IRX3: variants seen among roughly 807,000 people sequenced by gnomAD.
IRX3 encodes iroquois homeobox 3, also known as iroquois-class homeodomain protein IRX-3.
In IRX3, 20 loss-of-function variants were observed where a neutral mutation model predicts 36.4. That is an observed-to-expected ratio of 0.55 (90% CI 0.39 to 0.80). IRX3 has a LOEUF of 0.80. Among genes scored for constraint, IRX3 ranks in the 30% least tolerant of loss-of-function variants. IRX3 has a pLI of 0.00. For missense variants in IRX3, 718 were observed against 733.2 expected (o/e 0.98, Z 0.24); for synonymous variants, 404 against 351.6 (o/e 1.15, Z -1.67).
chr16:54,285,912 C>T lies in IRX3; in HGVS notation c.139G>A (p.Gly47Arg), dbSNP rs1901324327. 2.6e-6 allele frequency: 4 copies of T among 1,524,678 alleles called. No individual in the cohort carries two copies. In the Admixed American group the frequency reaches 6.1e-5, roughly 23 times the overall value. The allele number at this position is 1,524,678 out of a possible 1,614,324, so 94.4% of individuals were successfully genotyped here. A position where few individuals can be genotyped will look rare whatever the true frequency, so the allele number is the denominator to read the frequency against. ...GAGASELNAS[G>R]SLSNVLSSVY... ...GACGAGAGCACGTTGGACAGGGACC[C>T]CGAGGCGTTCAGCTCCGAGGCTCCG... Residue 47 changes from glycine (G) to arginine (R), a missense_variant, in exon 1 of 4, where the codon GGG becomes AGG. Coordinates refer to ENST00000329734, the MANE Select transcript of IRX3 (RefSeq NM_024336.3). The surrounding 1 kb of genome is among the most constrained non-coding windows in gnomAD (Gnocchi z 5.7).
Position 54,285,582 on chromosome 16 carries a change from C to T in IRX3, c.299G>A (p.Gly100Glu). 1 of 1,566,216 alleles carries T rather than the reference C, an allele frequency of 6.4e-7. No homozygotes were observed. The highest frequency in any genetic ancestry group is 8.7e-7 in the Non-Finnish European group (1 of 1,155,984). ...GAQYELKDSP[G>E]VQHPAAAAAF... The stretch of plus-strand genomic sequence containing the variant: ...GGCAGCCGCGGCCGGATGCTGCACC[C>T]CGGGGCTGTCCTTCAGCTCATACTG... The change falls in exon 2 of 4, where the codon GGG (glycine) becomes GAG (glutamate). Residue 100 changes from glycine to glutamate, a missense_variant. Around this residue, in one of 3 missense-constraint regions of IRX3, gnomAD observed 204 missense variants for 181.4 expected, o/e 1.12. Coordinates refer to ENST00000329734, the MANE Select transcript of IRX3 (RefSeq NM_024336.3). This position sits in a 1 kb window ranked among gnomAD's most constrained non-coding sequence, Gnocchi z 5.7.
chr16:54,284,079 C>T lies in IRX3; in HGVS notation c.1451+167G>A. The T allele has an allele frequency of 8.9e-7, 1 of 1,118,714 alleles. No homozygotes were observed. Among genetic ancestry groups the T allele is most frequent in the Non-Finnish European group, 1.2e-6 (1 of 806,416 alleles). The allele number at this position is 1,118,714 out of a possible 1,614,324, so 69.3% of individuals were successfully genotyped here. ...CTGGGCTGGACCTGGAGAGCTGTCG[C>T]AGGGCCGACAGGGGCGACTGAAAAA... On this transcript the variant is annotated intron_variant, in intron 3 of 3. Coordinates refer to ENST00000329734, the MANE Select transcript of IRX3 (RefSeq NM_024336.3). This position sits in a 1 kb window ranked among gnomAD's most constrained non-coding sequence, Gnocchi z 4.0.
Position 54,285,656 on chromosome 16 carries a change from G to T in IRX3, c.268-43C>A, listed in dbSNP as rs778826625. 1 of 1,475,636 alleles carries T rather than the reference G, an allele frequency of 6.8e-7. No homozygotes were observed. Among genetic ancestry groups the T allele is most frequent in the Middle Eastern group, 1.8e-4 (1 of 5,418 alleles). The allele number at this position is 1,475,636 out of a possible 1,614,324, so 91.4% of individuals were successfully genotyped here. On this transcript the variant is annotated intron_variant, in intron 1 of 3. Coordinates refer to ENST00000329734, the MANE Select transcript of IRX3 (RefSeq NM_024336.3). This position sits in a 1 kb window ranked among gnomAD's most constrained non-coding sequence, Gnocchi z 5.7. ...AGGAAGGGACACGCGCGGAGGGAGC[G>T]CGAGTGAGCCCCAGCCATCGCTGCC... is the stretch of plus-strand genomic sequence containing the variant.
rs548374212 is a variant in IRX3, at chr16:54,283,663, G to GTT, written c.*21_*22dup. 9 of 1,150,898 alleles carry GTT rather than the reference G, an allele frequency of 7.8e-6. No homozygotes were observed. In the African/African-American group the frequency reaches 1.4e-4, roughly 18 times the overall value. 71.3% of individuals were successfully genotyped at this position (1,150,898 alleles called of 1,614,324 possible). On this transcript the variant is annotated 3_prime_UTR_variant, in exon 4 of 4. Transcript: ENST00000329734. This position sits in a 1 kb window ranked among gnomAD's most constrained non-coding sequence, Gnocchi z 4.4. ...ACAACGATTAAAAAAAGTTTTTTTTGTTTTTTTGTTTTTTTTAAAGAACTA... is the reference window on the plus strand; with the variant it reads ...ACAACGATTAAAAAAAGTTTTTTTTGTTTTTTTTTGTTTTTTTTAAAGAACTA...
At position 54,284,690 on chromosome 16, in the gene IRX3, C is replaced by A. The variant is rs1335409920; in HGVS notation, c.1191G>T (p.Leu397=). The change falls in exon 2 of 4, where the codon CTG becomes CTT. Residue 397 remains leucine, a synonymous_variant. Transcript: ENST00000329734. This position sits in a 1 kb window ranked among gnomAD's most constrained non-coding sequence, Gnocchi z 4.0. ...PAAAAAAAHR[L]VSAPLGKFPA... ...GGAACTTGCCCAGCGGCGCTGAGAC[C>A]AGTCTGTGAGCGGCGGCGGCGGCGG... 7.1e-7 allele frequency: 1 copy of A among 1,417,682 alleles called. No homozygotes were observed. Among genetic ancestry groups the A allele is most frequent in the Admixed American group, 3.3e-5 (1 of 29,980 alleles). The allele number at this position is 1,417,682 out of a possible 1,614,324, so 87.8% of individuals were successfully genotyped here.
At position 54,284,527 on chromosome 16, in the gene IRX3, C is replaced by G; in HGVS notation, c.1354G>C (p.Ala452Pro). The G allele has an allele frequency of 7.1e-7, 1 of 1,415,070 alleles. No homozygotes were observed. Among genetic ancestry groups the G allele is most frequent in the Non-Finnish European group, 9.1e-7 (1 of 1,094,868 alleles). 87.7% of individuals were successfully genotyped at this position (1,415,070 alleles called of 1,614,324 possible). A position where few individuals can be genotyped will look rare whatever the true frequency, so the allele number is the denominator to read the frequency against. ...AGHPAAAAAF[A>P]RPAEPEGGTD... ...CCGCCTTCGGGCTCCGCTGGCCGAG[C>G]GAAGGCGGCGGCGGCAGCCGGGTGG... The change falls in exon 2 of 4, where the codon GCT becomes CCT. Residue 452 changes from alanine (A) to proline (P), a missense_variant. By Grantham distance (27) the Ala-to-Pro change is conservative. Coordinates refer to ENST00000329734, the MANE Select transcript of IRX3 (RefSeq NM_024336.3). The surrounding 1 kb of genome is among the most constrained non-coding windows in gnomAD (Gnocchi z 4.0).
rs1343485765 is a variant in IRX3 at position 54,284,306 on chromosome 16, C to T, written c.1391G>A (p.Cys464Tyr). 1.2e-6 allele frequency: 2 copies of T among 1,609,428 alleles called. No individual in the cohort carries two copies. The highest frequency in any genetic ancestry group is 1.1e-5 in the South Asian group (1 of 90,320). Residue 464 changes from cysteine (C) to tyrosine (Y), a missense_variant, in exon 3 of 4, where the codon TGT becomes TAT. Coordinates refer to ENST00000329734, the MANE Select transcript of IRX3 (RefSeq NM_024336.3). The surrounding 1 kb of genome is among the most constrained non-coding windows in gnomAD (Gnocchi z 4.0). ...CTTTTTCTCCACTTCCAAGGCACTA[C>T]AGCGATCTAAGGGAAGCGGGGGAAG... The part of the protein sequence containing the change: ...PAEPEGGTDR[C>Y]SALEVEKKLL...
At position 54,286,408 on chromosome 16, in the gene IRX3, C is replaced by G; in HGVS notation, c.-358G>C. 1.0e-6 allele frequency: 1 copy of G among 985,916 alleles called. No homozygotes were observed. The highest frequency in any genetic ancestry group is 1.2e-6 in the Non-Finnish European group (1 of 830,216). The allele number at this position is 985,916 out of a possible 1,614,324, so 61.1% of individuals were successfully genotyped here. On this transcript the variant is annotated 5_prime_UTR_variant, in exon 1 of 4. Transcript: ENST00000329734. Reference sequence around the variant, plus strand: ...CTCGCTCCTCACTGCCCTCCTCTCCCCAGCAGTGTCGCGCCTCGCTTCCTT... The same window carrying G: ...CTCGCTCCTCACTGCCCTCCTCTCCGCAGCAGTGTCGCGCCTCGCTTCCTT...
chr16:54,283,671 G>GTT lies in IRX3; in HGVS notation c.*13_*14dup. 5.0e-6 allele frequency: 6 copies of GTT among 1,208,696 alleles called. No individual in the cohort carries two copies. The highest frequency in any genetic ancestry group is 1.5e-5 in the African/African-American group (1 of 65,100). The allele number at this position is 1,208,696 out of a possible 1,614,324, so 74.9% of individuals were successfully genotyped here. A position where few individuals can be genotyped will look rare whatever the true frequency, so the allele number is the denominator to read the frequency against. On this transcript the variant is annotated 3_prime_UTR_variant, in exon 4 of 4. Transcript: ENST00000329734. This position sits in a 1 kb window ranked among gnomAD's most constrained non-coding sequence, Gnocchi z 4.4. ...TAAAAAAAGTTTTTTTTGTTTTTTT[G>GTT]TTTTTTTTAAAGAACTAGGATGAGG...
At position 54,283,719 on chromosome 16, in the gene IRX3, G is replaced by A; in HGVS notation, c.1473C>T (p.Ala491=). 1 of 1,499,974 alleles carries A rather than the reference G, an allele frequency of 6.7e-7. No homozygotes were observed. Among genetic ancestry groups the A allele is most frequent in the Non-Finnish European group, 9.3e-7 (1 of 1,076,268 alleles). 92.9% of individuals were successfully genotyped at this position (1,499,974 alleles called of 1,614,324 possible). Residue 491 remains alanine, a synonymous_variant, in exon 4 of 4, where the codon GCC becomes GCT. Transcript: ENST00000329734. The surrounding 1 kb of genome is among the most constrained non-coding windows in gnomAD (Gnocchi z 4.4). The stretch of plus-strand genomic sequence containing the variant: ...AGGAGAGAGCCGATAAGACCAGGGC[G>A]GCGTCCAGATGGTTCTGGGGCCTGG... ...VPRRPQNHLD[A]ALVLSALSSS
rs1228588080 is a variant in IRX3 at position 54,285,686 on chromosome 16, C to A, written c.268-73G>T. 9 of 1,459,756 alleles carry A rather than the reference C, an allele frequency of 6.2e-6. No individual in the cohort carries two copies. In the South Asian group the frequency reaches 1.0e-4, roughly 16 times the overall value. 90.4% of individuals were successfully genotyped at this position (1,459,756 alleles called of 1,614,324 possible). On this transcript the variant is annotated intron_variant, in intron 1 of 3. Coordinates refer to ENST00000329734, the MANE Select transcript of IRX3 (RefSeq NM_024336.3). The surrounding 1 kb of genome is among the most constrained non-coding windows in gnomAD (Gnocchi z 5.7). ...TGAGCCCCAGCCATCGCTGCCTCCC[C>A]CCTCCTGGCCTGCACCCCTCTAGTC...
chr16:54,284,734 G>A lies in IRX3; in HGVS notation c.1147C>T (p.Leu383=). Residue 383 remains leucine, a synonymous_variant, in exon 2 of 4, where the codon CTG becomes TTG. Coordinates refer to ENST00000329734, the MANE Select transcript of IRX3 (RefSeq NM_024336.3). The surrounding 1 kb of genome is among the most constrained non-coding windows in gnomAD (Gnocchi z 4.0). Reference sequence around the variant, plus strand: ...GCGGCGGCGGCCGGAGAGAGCTGCAGGGCGGAAGGCGCGACCGCTGCCCCC... The same window carrying A: ...GCGGCGGCGGCCGGAGAGAGCTGCAAGGCGGAAGGCGCGACCGCTGCCCCC... The part of the protein sequence containing the change: ...PPGAAVAPSA[L]QLSPAAAAAA... 1.4e-6 allele frequency: 2 copies of A among 1,454,202 alleles called. No individual in the cohort carries two copies. The highest frequency in any genetic ancestry group is 1.4e-5 in the South Asian group (1 of 71,124). The allele number at this position is 1,454,202 out of a possible 1,614,324, so 90.1% of individuals were successfully genotyped here.
chr16:54,284,167 A>G lies in IRX3; in HGVS notation c.1451+79T>C. The G allele has an allele frequency of 1.4e-6, 2 of 1,397,568 alleles. No individual in the cohort carries two copies. The highest frequency in any genetic ancestry group is 2.0e-6 in the Non-Finnish European group (2 of 1,006,196). The allele number at this position is 1,397,568 out of a possible 1,614,324, so 86.6% of individuals were successfully genotyped here. A position where few individuals can be genotyped will look rare whatever the true frequency, so the allele number is the denominator to read the frequency against. ...GGGTTCCCCCCTACCCCGGGGCAAAAGGCCGTGCGTGGTGCTCGGCGTCCT... is the reference window on the plus strand; with the variant it reads ...GGGTTCCCCCCTACCCCGGGGCAAAGGGCCGTGCGTGGTGCTCGGCGTCCT... On this transcript the variant is annotated intron_variant, in intron 3 of 3. Transcript: ENST00000329734. This position sits in a 1 kb window ranked among gnomAD's most constrained non-coding sequence, Gnocchi z 4.0.
Position 54,285,951 on chromosome 16 carries a change from C to T in IRX3, c.100G>A (p.Gly34Ser). The change falls in exon 1 of 4, where the codon GGC becomes AGC. Residue 34 changes from glycine (G) to serine (S), a missense_variant. Physicochemically the swap from Gly to Ser is moderately conservative, Grantham distance 56. Coordinates refer to ENST00000329734, the MANE Select transcript of IRX3 (RefSeq NM_024336.3). This position sits in a 1 kb window ranked among gnomAD's most constrained non-coding sequence, Gnocchi z 5.7. ...TCCGAGGCTCCGGCACCCAGGCCGC[C>T]CCGGGCCCCCGCGCTGCCGCCGCTG... ...GGSGGSAGAR[G>S]GLGAGASELN... 1 of 1,425,926 alleles carries T rather than the reference C, an allele frequency of 7.0e-7. No homozygotes were observed. 88.3% of individuals were successfully genotyped at this position (1,425,926 alleles called of 1,614,324 possible).
Position 54,286,419 on chromosome 16 carries a change from G to C in IRX3, c.-369C>G. On this transcript the variant is annotated 5_prime_UTR_variant, in exon 1 of 4. Transcript: ENST00000329734. ...CTGCCCTCCTCTCCCCAGCAGTGTC[G>C]CGCCTCGCTTCCTTCGCCCTCCTCT... The C allele has an allele frequency of 2.0e-6, 2 of 984,012 alleles. No homozygotes were observed. Among genetic ancestry groups the C allele is most frequent in the African/African-American group, 3.5e-5 (2 of 57,242 alleles). 61.0% of individuals were successfully genotyped at this position (984,012 alleles called of 1,614,324 possible).
In IRX3 at chr16:54,286,064, G is replaced by A. The variant is rs1397478560; in HGVS notation, c.-14C>T. 2 of 1,261,590 alleles carry A rather than the reference G, an allele frequency of 1.6e-6. No individual in the cohort carries two copies. Among genetic ancestry groups the A allele is most frequent in the African/African-American group, 1.6e-5 (1 of 63,380 alleles). The allele number at this position is 1,261,590 out of a possible 1,614,324, so 78.1% of individuals were successfully genotyped here. On this transcript the variant is annotated 5_prime_UTR_variant, in exon 1 of 4. Coordinates refer to ENST00000329734, the MANE Select transcript of IRX3 (RefSeq NM_024336.3). ...GGGGAAGGACATGGTGGCCCGCGGGGCACGGACGGAGAGGGGGGCCGACCC... is the reference window on the plus strand; with the variant it reads ...GGGGAAGGACATGGTGGCCCGCGGGACACGGACGGAGAGGGGGGCCGACCC...
In IRX3 at chr16:54,285,435, T is replaced by A; in HGVS notation, c.446A>T (p.His149Leu). Residue 149 changes from histidine (H) to leucine (L), a missense_variant, in exon 2 of 4, where the codon CAC becomes CTC. Around this residue, in one of 3 missense-constraint regions of IRX3, gnomAD observed 46 missense variants for 89.7 expected, o/e 0.51. Coordinates refer to ENST00000329734, the MANE Select transcript of IRX3 (RefSeq NM_024336.3). The surrounding 1 kb of genome is among the most constrained non-coding windows in gnomAD (Gnocchi z 5.7). ...CTTGGTGGGGTAGGGGTTCTTGCGG[T>A]GCTCGTTGAGCCAGGCCTTCAGCGT... ...TSTLKAWLNE[H>L]RKNPYPTKGE... is the part of the protein sequence containing the mutation. The A allele has an allele frequency of 6.2e-7, 1 of 1,614,142 alleles. No homozygotes were observed. Among genetic ancestry groups the A allele is most frequent in the Non-Finnish European group, 8.5e-7 (1 of 1,180,032 alleles).
Position 54,285,821 on chromosome 16 carries a change from A to G in IRX3, c.230T>C (p.Leu77Pro), listed in dbSNP as rs1186456452. 1 of 1,565,710 alleles carries G rather than the reference A, an allele frequency of 6.4e-7. No individual in the cohort carries two copies. The highest frequency in any genetic ancestry group is 1.2e-5 in the South Asian group (1 of 85,952). ...AAAAQGYGAFLPYAAELPIFP... is the reference protein window; with the variant it reads ...AAAAQGYGAFPPYAAELPIFP... Reference sequence around the variant, plus strand: ...GATGGGCAGCTCCGCGGCGTAGGGCAGGAAGGCGCCGTAGCCTTGGGCGGC... The same window carrying G: ...GATGGGCAGCTCCGCGGCGTAGGGCGGGAAGGCGCCGTAGCCTTGGGCGGC... The change falls in exon 1 of 4, where the codon CTG becomes CCG. Residue 77 changes from leucine to proline, a missense_variant. By Grantham distance (98) the Leu-to-Pro change is moderately conservative. Around this residue, in one of 3 missense-constraint regions of IRX3, gnomAD observed 204 missense variants for 181.4 expected, o/e 1.12. Coordinates refer to ENST00000329734, the MANE Select transcript of IRX3 (RefSeq NM_024336.3). The surrounding 1 kb of genome is among the most constrained non-coding windows in gnomAD (Gnocchi z 5.7).
Position 54,286,167 on chromosome 16 carries a change from G to T in IRX3, c.-117C>A, listed in dbSNP as rs557709472. ...GGGCCGGGCTTGGGGCCGCGCTGCC[G>T]CCCGCGCTGCGCTGTGCTCCGCGTT... On this transcript the variant is annotated 5_prime_UTR_variant, in exon 1 of 4. Transcript: ENST00000329734. 26 of 1,054,534 alleles carry T rather than the reference G, an allele frequency of 2.5e-5. No individual in the cohort carries two copies. The South Asian group carries it at 1.0e-3, about 41-fold the overall frequency. The allele number at this position is 1,054,534 out of a possible 1,614,324, so 65.3% of individuals were successfully genotyped here. A position where few individuals can be genotyped will look rare whatever the true frequency, so the allele number is the denominator to read the frequency against.
Sources: allele counts gnomAD v4.1 joint callset, GRCh38; gene constraint gnomAD v4.1.1; regional missense constraint gnomAD v4.1.1; non-coding constraint Gnocchi (gnomAD v3.1); transcripts MANE v1.5; gene names NCBI Gene and HGNC (gene_info 2026-07-23, HGNC 2026-07-21).